PARD3B: variants seen among roughly 807,000 people sequenced by gnomAD.
PARD3B encodes the protein partitioning defective 3 homolog B.
PARD3B carries 103 observed loss-of-function variants against 130.2 expected under a neutral mutation model. The observed-to-expected ratio is 0.79, with a 90% confidence interval of 0.67 to 0.93. The LOEUF is 0.93. PARD3B is among the 40% of genes least tolerant of loss of function. PARD3B has a pLI of 0.00. For synonymous variants in PARD3B, 583 were observed against 553.2 expected (o/e 1.05, Z -0.76); for missense variants, 1,609 against 1,499.2 (o/e 1.07, Z -1.21).
intron 2 of PARD3B, among the ~76,000 whole-genome samples, chr2:204,735,791 G>A (rs1046624739): frequency 3.9e-5 from 6 of 152,172 alleles, no homozygotes; most frequent in African/African-American, 1.4e-4. Flanking sequence ...GAAGCATGGT[G>A]TGTTGCATCA....
chr2:204,652,748 T>C (rs904657300), intron 1 of PARD3B, among the ~76,000 whole-genome samples: 1 of 144,978 alleles, frequency 6.9e-6, no homozygotes, highest in African/African-American at 2.9e-5. Flanking sequence ...GCAAAAGAGG[T>C]TTAATTGACT....
intron 15 of PARD3B, among the ~76,000 whole-genome samples, chr2:205,223,587 C>T (rs2038359629): frequency 6.6e-6 from 1 of 151,758 alleles, no homozygotes; most frequent in Admixed American, 6.6e-5. Context: ...AGTCTGCCCA[C>T]TCAGCTGCTT....
At chr2:204,880,485 C>A (rs1240605020) in intron 2 of PARD3B, among the ~76,000 whole-genome samples, 2 of 151,764 alleles carry the variant, frequency 1.3e-5, no homozygotes, top group Non-Finnish European at 2.9e-5. Context: ...CATGTTGTAA[C>A]CCCATCTCTA....
chr2:204,558,477 A>G (rs914859356), intron 1 of PARD3B, among the ~76,000 whole-genome samples: 18 of 152,214 alleles, frequency 1.2e-4, no homozygotes, highest in African/African-American at 4.1e-4. Context: ...TAGGAATCCC[A>G]CTTACAAGGG....
chr2:205,538,310 C>T (rs2051955464), intron 21 of PARD3B, among the ~76,000 whole-genome samples: 1 of 152,124 alleles, frequency 6.6e-6, no homozygotes, highest in South Asian at 2.1e-4. Context: ...AAAGCTTGAA[C>T]CAACGTAAGG....
At chr2:204,865,672 C>T (rs2045381670) in intron 2 of PARD3B, among the ~76,000 whole-genome samples, 1 of 152,036 alleles carries the variant, frequency 6.6e-6, no homozygotes, top group South Asian at 2.1e-4. Flanking sequence ...AAGACTACAC[C>T]TTGGGTACAG....
At chr2:205,500,479 T>C (rs866145523) in intron 21 of PARD3B, among the ~76,000 whole-genome samples, 1 of 152,124 alleles carries the variant, frequency 6.6e-6, no homozygotes, top group African/African-American at 2.4e-5. Context: ...CTTACCGGCA[T>C]ACTAGGATGG....
chr2:205,218,094 T>G (rs2038047816), intron 15 of PARD3B, among the ~76,000 whole-genome samples: 1 of 151,738 alleles, frequency 6.6e-6, no homozygotes, highest in Non-Finnish European at 1.5e-5. Context: ...GGTTTCACCA[T>G]GTTGGTCAGG....
intron 1 of PARD3B, among the ~76,000 whole-genome samples, chr2:204,672,474 C>T (rs1312315910): frequency 6.6e-6 from 1 of 152,104 alleles, no homozygotes; most frequent in African/African-American, 2.4e-5. Flanking sequence ...GTTTGTTCAT[C>T]TATGGCAAAC....
At position 205,292,819 on chromosome 2, in the gene PARD3B, A is replaced by G. The variant is rs560990585; in HGVS notation, c.2186-7711A>G. On this transcript the variant is annotated intron_variant, in intron 16 of 22. Coordinates refer to ENST00000406610, the MANE Select transcript of PARD3B (RefSeq NM_001302769.2). This position sits in a 1 kb window ranked among gnomAD's most constrained non-coding sequence, Gnocchi z 5.3. ...TTAGTGAACTGTAAAGCCACAGAAA[A>G]TGTTAGTTATAGTCACATTTATCTT... Among the ~76,000 whole-genome samples, 3 of 152,202 alleles carry G rather than the reference A, an allele frequency of 2.0e-5. No individual in the cohort carries two copies. The highest frequency in any genetic ancestry group is 7.2e-5 in the African/African-American group (3 of 41,450).
At chr2:205,256,942 T>G (rs16837123) in intron 16 of PARD3B, among the ~76,000 whole-genome samples, 1 of 151,856 alleles carries the variant, frequency 6.6e-6, no homozygotes, top group Non-Finnish European at 1.5e-5. Flanking sequence ...ATAAGGAAAA[T>G]CATAATTAGG....
At chr2:205,111,051 C>T (rs1703610670) in intron 5 of PARD3B, among the ~76,000 whole-genome samples, 1 of 151,922 alleles carries the variant, frequency 6.6e-6, no homozygotes, top group African/African-American at 2.4e-5. Flanking sequence ...TGAACTGGTC[C>T]ATGGGGCATT....
At chr2:205,348,539 C>T (rs1417075621) in intron 18 of PARD3B, among the ~76,000 whole-genome samples, 5 of 152,236 alleles carry the variant, frequency 3.3e-5, no homozygotes, top group Admixed American at 2.0e-4. Context: ...TTGACCCTAA[C>T]TAAATATGAA....
chr2:205,335,302 A>G (rs1207632348), intron 18 of PARD3B, among the ~76,000 whole-genome samples: 1 of 152,196 alleles, frequency 6.6e-6, no homozygotes, highest in East Asian at 1.9e-4. Flanking sequence ...AAATGTCTAC[A>G]ATGTCCACTG....
chr2:205,194,949 A>G (rs1250377161), intron 15 of PARD3B, among the ~76,000 whole-genome samples: 1 of 64,960 alleles, frequency 1.5e-5, no homozygotes, highest in South Asian at 5.2e-4. Context: ...ACGCCAGGCT[A>G]ATTTTTTTTT....
chr2:205,028,771 C>A (rs1386461187), intron 3 of PARD3B, among the ~76,000 whole-genome samples: 1 of 152,084 alleles, frequency 6.6e-6, no homozygotes, highest in South Asian at 2.1e-4. Flanking sequence ...ACATAGAAAA[C>A]CCTAAGGAAA....
In PARD3B at chr2:204,861,255, T is replaced by A. The variant is rs937094318; in HGVS notation, c.223-103897T>A. 1.4e-4 allele frequency among the ~76,000 whole-genome samples: 21 copies of A among 149,890 alleles called. 1 individual carries two copies. The Middle Eastern group carries it at 0.01, about 73-fold the overall frequency. On this transcript the variant is annotated intron_variant, in intron 2 of 22. Coordinates refer to ENST00000406610, the MANE Select transcript of PARD3B (RefSeq NM_001302769.2). ...TATTGTGTTTCCAGAATTAATTAATTTAGATGACTTTCACGTAGTAACTTT... is the reference window on the plus strand; with the variant it reads ...TATTGTGTTTCCAGAATTAATTAATATAGATGACTTTCACGTAGTAACTTT...
intron 1 of PARD3B, among the ~76,000 whole-genome samples, chr2:204,661,697 T>C (rs2035813343): frequency 6.6e-6 from 1 of 152,234 alleles, no homozygotes; most frequent in Non-Finnish European, 1.5e-5. Flanking sequence ...ACAAATTTAT[T>C]TAAAAATAAA....
intron 3 of PARD3B, among the ~76,000 whole-genome samples, chr2:205,026,079 A>C (rs937785762): frequency 2.0e-5 from 3 of 152,206 alleles, no homozygotes; most frequent in African/African-American, 4.8e-5. Context: ...TGGCTCTTAG[A>C]AGTTATACAT....
Sources: allele counts gnomAD v4.1 joint callset (sites outside exome capture counted in the v4.1 genomes callset), GRCh38; gene constraint gnomAD v4.1.1; non-coding constraint Gnocchi (gnomAD v3.1); transcripts MANE v1.5; gene names NCBI Gene and HGNC (gene_info 2026-07-23, HGNC 2026-07-21).